The following ADAMTS20 variants were observed in gnomAD, a reference collection of about 807,000 sequenced individuals.
ADAMTS20 encodes ADAM metallopeptidase with thrombospondin type 1 motif 20.
Under a neutral mutation model 260.1 loss-of-function variants are expected in ADAMTS20, and 225 were observed. That is an observed-to-expected ratio of 0.87 (90% confidence interval 0.78 to 0.97). The LOEUF is 0.97. Ranked by LOEUF, ADAMTS20 falls within the 50% of genes least tolerant of loss-of-function variation. The pLI is 0.00. For synonymous variants in ADAMTS20, 802 were observed against 769.5 expected (o/e 1.04, Z -0.70); for missense variants, 2,400 against 2,337.7 (o/e 1.03, Z -0.55).
intron 2 of ADAMTS20, among the ~76,000 whole-genome samples, chr12:43,543,814 A>G (rs1025917909): frequency 4.6e-5 from 7 of 152,178 alleles, no homozygotes; most frequent in Non-Finnish European, 8.8e-5. Flanking sequence ...CCAGGCAACT[A>G]GTTCTCCTCA....
chr12:43,417,653 T>A (rs955694390), intron 28 of ADAMTS20, among the ~76,000 whole-genome samples: 1 of 152,212 alleles, frequency 6.6e-6, no homozygotes. Context: ...AGTTTCTAAG[T>A]CACAGTCTTT....
chr12:43,506,074 T>C (rs1435818252), intron 3 of ADAMTS20, among the ~76,000 whole-genome samples: 1 of 152,084 alleles, frequency 6.6e-6, no homozygotes, highest in Non-Finnish European at 1.5e-5. Context: ...CAGTGAGCTA[T>C]GATATACCAC....
intron 37 of ADAMTS20, among the ~76,000 whole-genome samples, chr12:43,361,409 T>G (rs1939864173): frequency 1.3e-5 from 2 of 152,262 alleles, no homozygotes; most frequent in South Asian, 4.1e-4. Flanking sequence ...CAGCTCCTTT[T>G]GACAGCATGT....
At chr12:43,525,820 A>G (rs1196708953) in intron 3 of ADAMTS20, among the ~76,000 whole-genome samples, 2 of 152,174 alleles carry the variant, frequency 1.3e-5, no homozygotes, top group Non-Finnish European at 1.5e-5. Context: ...CAATCTAACA[A>G]GAAGAAATTA....
In ADAMTS20 at chr12:43,432,476, A is replaced by T. The variant is rs779156302; in HGVS notation, c.2932-8T>A. On this transcript the variant is annotated splice_polypyrimidine_tract_variant and splice_region_variant and intron_variant, in intron 20 of 38. Transcript: ENST00000389420. ...TCCACAACTCCTGGAACACTGATTA[A>T]AAAAAAAAAAGTGGTAACTAATGGA... 4 of 1,548,910 alleles carry T rather than the reference A, an allele frequency of 2.6e-6. No individual in the cohort carries two copies. In the African/African-American group the frequency reaches 5.5e-5, roughly 21 times the overall value.
At chr12:43,366,227 T>A (rs1005090559) in intron 37 of ADAMTS20, among the ~76,000 whole-genome samples, 5 of 151,722 alleles carry the variant, frequency 3.3e-5, no homozygotes, top group African/African-American at 1.2e-4. Context: ...AACAAAAACA[T>A]TACTGTAGAT....
At chr12:43,470,167 T>TTATTATATA (rs1423659147) in intron 7 of ADAMTS20, among the ~76,000 whole-genome samples, 6 of 152,344 alleles carry the variant, frequency 3.9e-5, no homozygotes, top group South Asian at 4.1e-4. Flanking sequence ...GATCATCATC[T>TTATTATATA]TATTATATGT....
intron 14 of ADAMTS20, among the ~76,000 whole-genome samples, chr12:43,448,088 C>T (rs893395858): frequency 1.3e-5 from 2 of 152,258 alleles, no homozygotes; most frequent in East Asian, 1.9e-4. Flanking sequence ...ACATCCAATG[C>T]CATTTCTATA....
chr12:43,513,456 G>C (rs1488426023), intron 3 of ADAMTS20, among the ~76,000 whole-genome samples: 2 of 152,082 alleles, frequency 1.3e-5, no homozygotes, highest in Admixed American at 6.6e-5. Flanking sequence ...CACACCTGCT[G>C]TCTCTTTACA....
intron 32 of ADAMTS20, 77 bp from the exon 33 acceptor site, chr12:43,376,730 G>T: frequency 6.6e-7 from 1 of 1,505,516 alleles, no homozygotes. Flanking sequence ...CCTTTTCTTA[G>T]ACCAGGTATT....
intron 28 of ADAMTS20, among the ~76,000 whole-genome samples, chr12:43,419,181 A>C (rs1345398925): frequency 1.3e-5 from 2 of 152,122 alleles, no homozygotes; most frequent in Non-Finnish European, 2.9e-5. Context: ...ATCTTCTATA[A>C]ATCACATAAT....
intron 38 of ADAMTS20, among the ~76,000 whole-genome samples, chr12:43,354,615 T>A (rs1039366632): frequency 6.6e-6 from 1 of 152,204 alleles, no homozygotes; most frequent in African/African-American, 2.4e-5. Flanking sequence ...CATCTAGGTA[T>A]GTATTTGCTT....
At chr12:43,356,130 A>G (rs1208898290) in intron 38 of ADAMTS20, among the ~76,000 whole-genome samples, 1 of 152,198 alleles carries the variant, frequency 6.6e-6, no homozygotes, top group African/African-American at 2.4e-5. Flanking sequence ...TTCAGTAATT[A>G]AAGTATAGTA....
intron 29 of ADAMTS20, among the ~76,000 whole-genome samples, chr12:43,388,040 T>C (rs1229461619): frequency 3.3e-5 from 5 of 151,932 alleles, no homozygotes; most frequent in Non-Finnish European, 5.9e-5. Flanking sequence ...GAGTGAACAA[T>C]TCTGTCTTGC....
chr12:43,430,620 AT>A (rs1309395237), intron 22 of ADAMTS20, 149 bp from the exon 23 acceptor site: 8 of 695,174 alleles, frequency 1.2e-5, no homozygotes, highest in Admixed American at 3.5e-5. Context: ...AAAAGAGCAA[AT>A]TCAATAAATA....
intron 2 of ADAMTS20, among the ~76,000 whole-genome samples, chr12:43,550,072 A>C (rs544878858): frequency 2.4e-4 from 36 of 152,268 alleles, no homozygotes; most frequent in African/African-American, 8.2e-4. Context: ...CAGAGGAGTT[A>C]CTGATGGAGT....
At chr12:43,407,655 C>A (rs1337057995) in intron 28 of ADAMTS20, among the ~76,000 whole-genome samples, 1 of 151,860 alleles carries the variant, frequency 6.6e-6, no homozygotes, top group Non-Finnish European at 1.5e-5. Context: ...ATTAGAAAAT[C>A]GGAACAAGAA....
chr12:43,383,962 C>T lies in ADAMTS20; in HGVS notation c.4468G>A (p.Gly1490Ser), dbSNP rs775926268. The change falls in exon 30 of 39, where the codon GGC (glycine) becomes AGC (serine). Residue 1490 changes from glycine to serine, a missense_variant. Transcript: ENST00000389420. ...NSWNECSVTC[G>S]SGVQQRDVYC... is the part of the protein sequence containing the mutation. ...ACATCCCTCTGCTGAACTCCAGAGC[C>T]ACAGGTCACAGAGCACTACAAAGGA... The T allele has an allele frequency of 1.9e-6, 3 of 1,613,630 alleles. No individual in the cohort carries two copies. The highest frequency in any genetic ancestry group is 2.5e-6 in the Non-Finnish European group (3 of 1,179,736).
intron 32 of ADAMTS20, 135 bp downstream of exon 32, chr12:43,377,230 T>C: frequency 1.6e-6 from 1 of 622,264 alleles, no homozygotes; most frequent in East Asian, 2.9e-5. Context: ...TATAAATAAC[T>C]GGTAATGTGG....
Sources: gnomAD v4.1 joint callset for allele counts (sites outside exome capture counted in the v4.1 genomes callset) on GRCh38, gnomAD v4.1.1 for gene constraint, MANE v1.5 for transcripts, NCBI Gene and HGNC (gene_info 2026-07-23, HGNC 2026-07-21) for gene names.